Variants in PRSS23 observed in about 807,000 individuals in gnomAD.
PRSS23 encodes serine protease 23.
Under a neutral mutation model 34.7 loss-of-function variants are expected in PRSS23, and 25 were observed. That is an observed-to-expected ratio of 0.72 (90% CI 0.53 to 1.01). The LOEUF (loss-of-function observed/expected upper bound fraction) is 1.01, where lower values mean the gene tolerates loss of function less well. Ranked by LOEUF, PRSS23 falls within the 50% of genes least tolerant of loss-of-function variation. The pLI is 0.00. For missense variants in PRSS23, 445 were observed against 475.6 expected, an observed-to-expected ratio of 0.94 and a Z score of 0.60; for synonymous variants, 176 against 186.6, an observed-to-expected ratio of 0.94 and a Z score of 0.46.
chr11:86,941,439 C>T (rs1281869004), intron 2 of PRSS23, among the ~76,000 whole-genome samples: 2 of 152,090 alleles, frequency 1.3e-5, no homozygotes, highest in African/African-American at 2.4e-5. Context: ...CGGTGCCTTC[C>T]CAGGACAGTG....
intron 2 of PRSS23, among the ~76,000 whole-genome samples, chr11:86,859,295 C>T (rs1037479346): frequency 6.6e-6 from 1 of 151,880 alleles, no homozygotes; most frequent in Admixed American, 6.5e-5. Context: ...GATGATATTA[C>T]TTTCAATACC....
intron 2 of PRSS23, among the ~76,000 whole-genome samples, chr11:86,825,371 C>T (rs1417364971): frequency 1.6e-4 from 24 of 151,944 alleles, no homozygotes; most frequent in African/African-American, 7.3e-5. Context: ...TTGTAGATTC[C>T]GGATATTAGC....
chr11:86,824,520 G>T (rs1162911982), intron 2 of PRSS23, among the ~76,000 whole-genome samples: 1 of 149,018 alleles, frequency 6.7e-6, no homozygotes, highest in Non-Finnish European at 1.5e-5. Flanking sequence ...GGGTACATGT[G>T]CACAATGTGC....
At chr11:86,899,832 TA>T (rs374256103) in intron 2 of PRSS23, among the ~76,000 whole-genome samples, 20,080 of 144,182 alleles carry the variant, frequency 0.14, 1,331 homozygotes, top group Middle Eastern at 0.23. Flanking sequence ...CCCCATTTCT[TA>T]AAAAAAAAAA....
chr11:86,887,970 T>G (rs1349253251), intron 2 of PRSS23, among the ~76,000 whole-genome samples: 2 of 151,632 alleles, frequency 1.3e-5, no homozygotes, highest in African/African-American at 4.9e-5. Flanking sequence ...GATAATTGCT[T>G]GAATCTGGGA....
At position 86,888,117 on chromosome 11, in the gene PRSS23, T is replaced by TAA. The variant is rs35019573; in HGVS notation, c.207-63091_207-63090dup. ...TACTGAGCATCAAGTTGGTTTTTTT[T>TAA]AAAAAAAAACAAAACAAAACAAAAC... is the stretch of plus-strand genomic sequence containing the variant. On this transcript the variant is annotated intron_variant, in intron 2 of 2. Transcript: ENST00000533902. Among the ~76,000 whole-genome samples the TAA allele has an allele frequency of 2.8e-3, 278 of 98,800 alleles. 2 individuals are homozygous for TAA. Among genetic ancestry groups the TAA allele is most frequent in the African/African-American group, 8.9e-3 (229 of 25,690 alleles). 64.8% of individuals were successfully genotyped at this position (98,800 alleles called of 152,430 possible).
At chr11:86,811,270 G>A (rs1240159483), downstream of PRSS23, 3 of 165,994 alleles carry the variant, frequency 1.8e-5, no homozygotes, top group African/African-American at 4.8e-5. Context: ...AAGCAATCTG[G>A]TGTTCTACTA....
At chr11:86,833,530 C>T in intron 2 of PRSS23, 1 of 260,612 alleles carries the variant, frequency 3.8e-6, no homozygotes, top group Middle Eastern at 1.4e-3. Flanking sequence ...ACAGAGCTCC[C>T]ATACAAAGGG....
Position 86,902,549 on chromosome 11 carries a change from C to T in PRSS23, c.207-48667C>T, listed in dbSNP as rs142571990. On this transcript the variant is annotated intron_variant, in intron 2 of 2. Transcript: ENST00000533902. Reference sequence around the variant, plus strand: ...CCCTAGAAATTGGATAATTGGTGAGCTGCCACCAGATAACAGCTAACAGGC... The same window carrying T: ...CCCTAGAAATTGGATAATTGGTGAGTTGCCACCAGATAACAGCTAACAGGC... 1.7e-3 allele frequency among the ~76,000 whole-genome samples: 253 copies of T among 152,284 alleles called. 2 individuals are homozygous for T. The highest frequency in any genetic ancestry group is 6.2e-3 in the South Asian group (30 of 4,820).
At chr11:86,907,265 G>A (rs540866125) in intron 2 of PRSS23, among the ~76,000 whole-genome samples, 25 of 152,224 alleles carry the variant, frequency 1.6e-4, no homozygotes, top group East Asian at 1.3e-3. Context: ...AAAACTGTTC[G>A]CTGTAGCATC....
At chr11:86,879,257 C>T (rs11234854) in intron 2 of PRSS23, among the ~76,000 whole-genome samples, 9,815 of 141,368 alleles carry the variant, frequency 0.069, 555 homozygotes, top group East Asian at 0.16. Context: ...ATGTGAGGAG[C>T]GCCTCTACCC....
chr11:86,888,139 A>G (rs1948817731), intron 2 of PRSS23, among the ~76,000 whole-genome samples: 1 of 151,134 alleles, frequency 6.6e-6, no homozygotes. Flanking sequence ...AAACAAAACA[A>G]AACCTAAGCT....
chr11:86,878,748 A>T (rs1948744029), intron 2 of PRSS23, among the ~76,000 whole-genome samples: 2 of 147,706 alleles, frequency 1.4e-5, no homozygotes, highest in Admixed American at 6.8e-5. Flanking sequence ...GAGGAGCCCC[A>T]CTGCCTGGCT....
At chr11:86,927,937 G>A (rs1429283490) in intron 2 of PRSS23, among the ~76,000 whole-genome samples, 11 of 149,142 alleles carry the variant, frequency 7.4e-5, no homozygotes, top group Non-Finnish European at 1.2e-4. Flanking sequence ...GAGAAACTCC[G>A]TCTCAAAAAA....
chr11:86,895,170 T>A (rs924106431), intron 2 of PRSS23, among the ~76,000 whole-genome samples: 1 of 152,144 alleles, frequency 6.6e-6, no homozygotes, highest in Non-Finnish European at 1.5e-5. Context: ...TAATTAAACA[T>A]CTATTCTACC....
intron 2 of PRSS23, among the ~76,000 whole-genome samples, chr11:86,883,245 A>G (rs1948782721): frequency 6.6e-6 from 1 of 152,238 alleles, no homozygotes; most frequent in African/African-American, 2.4e-5. Flanking sequence ...TTCAAACCAT[A>G]CTACAGGGAT....
intron 2 of PRSS23, among the ~76,000 whole-genome samples, chr11:86,824,375 A>AAAATAAAATAAAAT (rs1303621206): frequency 1.9e-4 from 25 of 130,412 alleles, no homozygotes; most frequent in Non-Finnish European, 3.7e-4. Flanking sequence ...TAAAATAAAT[A>AAAATAAAATAAAAT]AAATAAAAAA....
chr11:86,827,541 G>T (rs1278514226), intron 2 of PRSS23, among the ~76,000 whole-genome samples: 2 of 152,132 alleles, frequency 1.3e-5, no homozygotes, highest in South Asian at 2.1e-4. Flanking sequence ...GCTAGCTTTT[G>T]AATGTGTTTG....
intron 2 of PRSS23, among the ~76,000 whole-genome samples, chr11:86,943,892 T>C (rs572914192): frequency 7.9e-5 from 12 of 151,946 alleles, no homozygotes; most frequent in African/African-American, 2.9e-4. Context: ...TACAGGCGCG[T>C]GTCACACCTG....
Sources: gnomAD v4.1 joint callset for allele counts (sites outside exome capture counted in the v4.1 genomes callset) on GRCh38, gnomAD v4.1.1 for gene constraint, MANE v1.5 for transcripts, NCBI Gene and HGNC (gene_info 2026-07-23, HGNC 2026-07-21) for gene names.